Variants in FAM185A observed in about 807,000 individuals in gnomAD.
FAM185A encodes protein FAM185A.
Under a neutral mutation model 45.7 loss-of-function variants are expected in FAM185A, and 21 were observed. The ratio of observed to expected loss-of-function variants is 0.46; its 90% CI spans 0.33 to 0.66. The LOEUF (loss-of-function observed/expected upper bound fraction) is 0.66, where lower values mean the gene tolerates loss of function less well. Ranked by LOEUF, FAM185A falls within the 30% of genes least tolerant of loss-of-function variation. FAM185A has a pLI of 0.03. For missense variants in FAM185A, 305 were observed against 485.4 expected (o/e 0.63, Z 3.49); for synonymous variants, 117 against 194.0 (o/e 0.60, Z 3.30).
the FAM185A span, among the ~76,000 whole-genome samples, chr7:102,834,948 T>C: frequency 6.6e-6 from 1 of 151,942 alleles, no homozygotes; most frequent in Non-Finnish European, 1.5e-5. Context: ...TTCATAAATA[T>C]ATACAATTTT....
At chr7:102,844,251 G>A in the FAM185A span, among the ~76,000 whole-genome samples, 1 of 152,118 alleles carries the variant, frequency 6.6e-6, no homozygotes, top group Non-Finnish European at 1.5e-5. Context: ...AAAATAAGAG[G>A]GAGCTATGTT....
At chr7:102,761,573 C>T (rs1266896111) in intron 4 of FAM185A, among the ~76,000 whole-genome samples, 162 bp downstream of exon 4, 1 of 150,874 alleles carries the variant, frequency 6.6e-6, no homozygotes. Context: ...TAAAATGACT[C>T]ATAAAGCTAA....
At chr7:102,791,649 A>G (rs1243001011) in intron 7 of FAM185A, among the ~76,000 whole-genome samples, 2 of 152,226 alleles carry the variant, frequency 1.3e-5, no homozygotes, top group Non-Finnish European at 2.9e-5. Flanking sequence ...AGTAGCACAG[A>G]CTACCCTATG....
At chr7:102,766,612 A>G (rs767337826) in intron 4 of FAM185A, among the ~76,000 whole-genome samples, 10 of 137,876 alleles carry the variant, frequency 7.3e-5, no homozygotes, top group South Asian at 2.1e-4. Flanking sequence ...ATAATATACA[A>G]TTTTAAAACA....
the FAM185A span, chr7:102,834,473 A>ATATATGTGTG: frequency 2.8e-5 from 4 of 141,544 alleles, no homozygotes; most frequent in East Asian, 8.1e-4. Context: ...ATATATATAT[A>ATATATGTGTG]TGTGATGTGG....
chr7:102,843,370 G>T, the FAM185A span, among the ~76,000 whole-genome samples: 1 of 152,154 alleles, frequency 6.6e-6, no homozygotes, highest in African/African-American at 2.4e-5. Flanking sequence ...TTGAACCCAG[G>T]AGGCAGAGGT....
the FAM185A span, chr7:102,822,561 C>T: frequency 2.4e-6 from 1 of 421,062 alleles, no homozygotes; most frequent in African/African-American, 2.1e-5. Context: ...AAAGGCCCCA[C>T]TTTCTATTAC....
intron 4 of FAM185A, among the ~76,000 whole-genome samples, chr7:102,763,935 C>T (rs1794241600): frequency 6.6e-6 from 1 of 152,164 alleles, no homozygotes; most frequent in South Asian, 2.1e-4. Flanking sequence ...ATTAAATATA[C>T]TTTCTTATTT....
the FAM185A span, among the ~76,000 whole-genome samples, chr7:102,838,507 G>T: frequency 6.6e-6 from 1 of 152,008 alleles, no homozygotes; most frequent in Non-Finnish European, 1.5e-5. Flanking sequence ...CTGGAGTGCA[G>T]TGGTGTAGGG....
chr7:102,824,627 A>G, the FAM185A span, among the ~76,000 whole-genome samples: 1 of 152,088 alleles, frequency 6.6e-6, no homozygotes, highest in Non-Finnish European at 1.5e-5. Flanking sequence ...CTGGGATTAC[A>G]GGTGCCCGCC....
intron 4 of FAM185A, among the ~76,000 whole-genome samples, chr7:102,766,230 G>A (rs144587067): frequency 0.017 from 2,646 of 151,990 alleles, 2 homozygotes; most frequent in South Asian, 0.027. Flanking sequence ...GTTATGATCC[G>A]GAACAGTGAC....
At chr7:102,815,135 T>A in the FAM185A span, among the ~76,000 whole-genome samples, 1 of 148,950 alleles carries the variant, frequency 6.7e-6, no homozygotes, top group South Asian at 2.1e-4. Flanking sequence ...CCCATCTCTA[T>A]CAGTCTAAAC....
chr7:102,766,622 A>G (rs941753941), intron 4 of FAM185A, among the ~76,000 whole-genome samples: 5 of 151,550 alleles, frequency 3.3e-5, no homozygotes, highest in Non-Finnish European at 7.4e-5. Context: ...ATTTTAAAAC[A>G]GAATCTTTTA....
At chr7:102,848,245 A>C in the FAM185A span, among the ~76,000 whole-genome samples, 1 of 152,180 alleles carries the variant, frequency 6.6e-6, no homozygotes, top group Non-Finnish European at 1.5e-5. Context: ...TTTCATTTAG[A>C]GATAATCTGC....
At chr7:102,792,949 C>T (rs1463363337) in intron 7 of FAM185A, among the ~76,000 whole-genome samples, 4 of 152,120 alleles carry the variant, frequency 2.6e-5, no homozygotes, top group Admixed American at 1.3e-4. Flanking sequence ...CTCTCCAAAT[C>T]GGGAAAAATC....
intron 4 of FAM185A, among the ~76,000 whole-genome samples, chr7:102,771,706 AAT>A (rs1269241241): frequency 1.3e-5 from 2 of 152,208 alleles, no homozygotes; most frequent in Non-Finnish European, 2.9e-5. Context: ...CAGTAGAATA[AAT>A]ATGAGTTCCT....
chr7:102,786,684 C>T (rs953510082), intron 6 of FAM185A, among the ~76,000 whole-genome samples: 4 of 152,016 alleles, frequency 2.6e-5, no homozygotes, highest in Non-Finnish European at 2.9e-5. Flanking sequence ...GTTGTGGGGT[C>T]AGGGCAGTGG....
the FAM185A span, among the ~76,000 whole-genome samples, chr7:102,823,011 G>A: frequency 2.0e-5 from 3 of 152,260 alleles, no homozygotes; most frequent in Non-Finnish European, 2.9e-5. Flanking sequence ...TCAGTGAGCC[G>A]AGATCACGCC....
intron 5 of FAM185A, among the ~76,000 whole-genome samples, chr7:102,775,225 TTACAG>T (rs1213748420): frequency 1.1e-4 from 16 of 152,178 alleles, no homozygotes; most frequent in Non-Finnish European, 2.1e-4. Flanking sequence ...AATATCAAGT[TTACAG>T]TACAGTATTG....
Sources: gnomAD v4.1 joint callset for allele counts (sites outside exome capture counted in the v4.1 genomes callset) on GRCh38, gnomAD v4.1.1 for gene constraint, MANE v1.5 for transcripts, NCBI Gene and HGNC (gene_info 2026-07-23, HGNC 2026-07-21) for gene names.